Variants in LAPTM4B observed in about 807,000 individuals in gnomAD.
The protein encoded by LAPTM4B is lysosomal-associated transmembrane protein 4B.
In LAPTM4B, 26 loss-of-function variants were observed where a neutral mutation model predicts 28.5. The ratio of observed to expected loss-of-function variants is 0.91; its 90% CI spans 0.67 to 1.27. The LOEUF (loss-of-function observed/expected upper bound fraction) is 1.27, where lower values mean the gene tolerates loss of function less well. Among genes scored for constraint, LAPTM4B ranks in the 50% most tolerant of loss-of-function variants. LAPTM4B has a pLI of 0.00. For missense variants in LAPTM4B, 288 were observed against 285.8 expected (o/e 1.01, Z -0.06); for synonymous variants, 109 against 106.4 (o/e 1.02, Z -0.15).
In LAPTM4B at chr8:97,833,555, C is replaced by T. The variant is rs1817216843; in HGVS notation, c.603+8402C>T. Among the ~76,000 whole-genome samples, 5 of 152,046 alleles carry T rather than the reference C, an allele frequency of 3.3e-5. No homozygotes were observed. The East Asian group carries it at 9.6e-4, about 29-fold the overall frequency. On this transcript the variant is annotated intron_variant, in intron 6 of 6. Coordinates refer to ENST00000521545, the MANE Select transcript of LAPTM4B (RefSeq NM_018407.6). ...ATATATGGGTCAATATGTAGTTTGTCTTTATAATTTTTTGTTGAAGAAATT... is the reference window on the plus strand; with the variant it reads ...ATATATGGGTCAATATGTAGTTTGTTTTTATAATTTTTTGTTGAAGAAATT...
At chr8:97,811,103 A>G (rs1248992018) in intron 2 of LAPTM4B, among the ~76,000 whole-genome samples, 2 of 152,266 alleles carry the variant, frequency 1.3e-5, no homozygotes, top group African/African-American at 4.8e-5. Context: ...TAACGCAGTT[A>G]ACAGTACCAC....
At chr8:97,849,928 T>G (rs1248239812) in intron 6 of LAPTM4B, among the ~76,000 whole-genome samples, 5 of 149,560 alleles carry the variant, frequency 3.3e-5, no homozygotes, top group African/African-American at 1.3e-4. Flanking sequence ...TCTCAGGCGG[T>G]TTCCAGAGCG....
rs555382181 is a variant in LAPTM4B, at chr8:97,849,568, A to G, written c.604-1829A>G. 1.2e-4 allele frequency among the ~76,000 whole-genome samples: 18 copies of G among 152,362 alleles called. No individual in the cohort carries two copies. In the South Asian group the frequency reaches 2.5e-3, roughly 21 times the overall value. On this transcript the variant is annotated intron_variant, in intron 6 of 6. Transcript: ENST00000521545. Reference sequence around the variant, plus strand: ...ACCTGACATATAAAGTATTTAGCACATAGGCAAAGATCACTACCTCTTTCA... The same window carrying G: ...ACCTGACATATAAAGTATTTAGCACGTAGGCAAAGATCACTACCTCTTTCA...
intron 4 of LAPTM4B, among the ~76,000 whole-genome samples, chr8:97,816,615 C>T (rs1372306877): frequency 1.3e-5 from 2 of 152,012 alleles, no homozygotes; most frequent in Non-Finnish European, 1.5e-5. Context: ...TTTTGAGGGC[C>T]GGGGTTATGA....
At chr8:97,841,344 T>C (rs1447719728) in intron 6 of LAPTM4B, among the ~76,000 whole-genome samples, 3 of 152,268 alleles carry the variant, frequency 2.0e-5, no homozygotes, top group African/African-American at 4.8e-5. Context: ...CTCTTTTTTT[T>C]GAGATGGAGT....
At chr8:97,790,813 C>T (rs1217774982) in intron 1 of LAPTM4B, among the ~76,000 whole-genome samples, 1 of 152,174 alleles carries the variant, frequency 6.6e-6, no homozygotes, top group East Asian at 1.9e-4. Flanking sequence ...AGTCTTGGCT[C>T]ACCGCAACTT....
chr8:97,792,868 G>A (rs1425518554), intron 1 of LAPTM4B, among the ~76,000 whole-genome samples: 1 of 152,194 alleles, frequency 6.6e-6, no homozygotes, highest in African/African-American at 2.4e-5. Context: ...GTGAGCCATT[G>A]CGCCCAGCAT....
chr8:97,848,329 A>G (rs1469979966), intron 6 of LAPTM4B, among the ~76,000 whole-genome samples: 1 of 152,232 alleles, frequency 6.6e-6, no homozygotes, highest in African/African-American at 2.4e-5. Flanking sequence ...TTGAAGATGA[A>G]TAATAAGAAA....
chr8:97,845,487 G>A (rs1039755243), intron 6 of LAPTM4B, among the ~76,000 whole-genome samples: 3 of 152,014 alleles, frequency 2.0e-5, no homozygotes, highest in Admixed American at 6.6e-5. Context: ...TCTTTCCTGA[G>A]ACTTCTCCTC....
At chr8:97,823,033 G>C (rs2129808795) in intron 5 of LAPTM4B, among the ~76,000 whole-genome samples, 1 of 152,078 alleles carries the variant, frequency 6.6e-6, no homozygotes, top group South Asian at 2.1e-4. Context: ...ACTAGAGACA[G>C]GGTTTCATCG....
chr8:97,800,882 C>A (rs1816665991), intron 1 of LAPTM4B, among the ~76,000 whole-genome samples: 1 of 152,132 alleles, frequency 6.6e-6, no homozygotes, highest in South Asian at 2.1e-4. Context: ...GAGGCCGGGG[C>A]AGGAGGATCA....
intron 1 of LAPTM4B, among the ~76,000 whole-genome samples, chr8:97,787,726 C>T (rs945789932): frequency 1.3e-5 from 2 of 151,954 alleles, no homozygotes; most frequent in African/African-American, 4.8e-5. Context: ...CCAAACACAT[C>T]AATTTACAAT....
In LAPTM4B at chr8:97,851,027, AGTT is replaced by A. The variant is rs546510640; in HGVS notation, c.604-369_604-367del. ...GCTTGGCGTTTTCACTGCACTTTGC[AGTT>A]CTCACCATGAGTGGTTACTGTAGTC... On this transcript the variant is annotated intron_variant, in intron 6 of 6. Coordinates refer to ENST00000521545, the MANE Select transcript of LAPTM4B (RefSeq NM_018407.6). 1.1e-4 allele frequency among the ~76,000 whole-genome samples: 17 copies of A among 151,842 alleles called. No individual in the cohort carries two copies. The East Asian group carries it at 3.1e-3, about 28-fold the overall frequency.
chr8:97,825,927 G>A (rs1282180655), intron 6 of LAPTM4B, among the ~76,000 whole-genome samples: 3 of 152,196 alleles, frequency 2.0e-5, no homozygotes, highest in African/African-American at 7.2e-5. Flanking sequence ...GGTCAAAACG[G>A]ATAGGATTGG....
chr8:97,825,069 T>C lies in LAPTM4B; in HGVS notation c.519T>C (p.Ile173=), dbSNP rs748263888. 1.2e-6 allele frequency: 2 copies of C among 1,603,090 alleles called. No individual in the cohort carries two copies. The highest frequency in any genetic ancestry group is 8.5e-7 in the Non-Finnish European group (1 of 1,170,356). The change falls in exon 6 of 7, where the codon ATT becomes ATC. Residue 173 remains isoleucine, a synonymous_variant. Coordinates refer to ENST00000521545, the MANE Select transcript of LAPTM4B (RefSeq NM_018407.6). ...CTCCTCATTTTCAGGGTTACTTGAT[T>C]AGCTGTGTTTGGAACTGCTACCGAT... The part of the protein sequence containing the change: ...SIILTFKGYL[I]SCVWNCYRYI...
chr8:97,778,897 C>G (rs927583832), intron 1 of LAPTM4B, among the ~76,000 whole-genome samples: 2 of 152,106 alleles, frequency 1.3e-5, no homozygotes, highest in African/African-American at 4.8e-5. Context: ...TCGGTTACAA[C>G]AATTTGGTTG....
chr8:97,800,655 C>T (rs980397256), intron 1 of LAPTM4B, among the ~76,000 whole-genome samples: 2 of 151,712 alleles, frequency 1.3e-5, no homozygotes, highest in Non-Finnish European at 2.9e-5. Flanking sequence ...CACCACCATG[C>T]CCGGCTAATT....
chr8:97,798,546 A>G (rs1816626022), intron 1 of LAPTM4B, among the ~76,000 whole-genome samples: 2 of 152,268 alleles, frequency 1.3e-5, no homozygotes, highest in South Asian at 4.2e-4. Context: ...GGGCACCTGG[A>G]CAGGGACTTG....
chr8:97,835,753 G>A (rs1343830029), intron 6 of LAPTM4B, among the ~76,000 whole-genome samples: 2 of 152,166 alleles, frequency 1.3e-5, no homozygotes, highest in East Asian at 3.8e-4. Context: ...AAATCACATG[G>A]TGGGTGTATA....
Sources: allele counts gnomAD v4.1 joint callset (sites outside exome capture counted in the v4.1 genomes callset), GRCh38; gene constraint gnomAD v4.1.1; transcripts MANE v1.5; gene names NCBI Gene and HGNC (gene_info 2026-07-23, HGNC 2026-07-21).